The following SH3BP4 variants were observed in gnomAD, a reference collection of about 807,000 sequenced individuals.
SH3BP4 encodes the protein SH3 domain-binding protein 4.
SH3BP4 carries 33 observed loss-of-function variants against 65.5 expected under a neutral mutation model. That is an observed-to-expected ratio of 0.50 (90% CI 0.38 to 0.67). The LOEUF is 0.67. Ranked by LOEUF, SH3BP4 falls within the 30% of genes least tolerant of loss-of-function variation. SH3BP4 has a pLI of 0.00. For missense variants in SH3BP4, 1,134 were observed against 1,261.4 expected (o/e 0.90, Z 1.53); for synonymous variants, 552 against 545.5 (o/e 1.01, Z -0.17).
At position 234,997,312 on chromosome 2, in the gene SH3BP4, C is replaced by T. The variant is rs867742751; in HGVS notation, c.-133+1936C>T. Among the ~76,000 whole-genome samples, 5 of 152,322 alleles carry T rather than the reference C, an allele frequency of 3.3e-5. No individual in the cohort carries two copies. The highest frequency in any genetic ancestry group is 5.9e-5 in the Non-Finnish European group (4 of 68,020). Reference sequence around the variant, plus strand: ...GATTTGCCTGGGGGTCAGTGAGAGACACGGCTACCCAGGGTTTCCATTTCC... The same window carrying T: ...GATTTGCCTGGGGGTCAGTGAGAGATACGGCTACCCAGGGTTTCCATTTCC... On this transcript the variant is annotated intron_variant, in intron 2 of 5. Coordinates refer to ENST00000392011, the MANE Select transcript of SH3BP4 (RefSeq NM_014521.3). This position sits in a 1 kb window ranked among gnomAD's most constrained non-coding sequence, Gnocchi z 4.2.
At chr2:234,954,810 G>C (rs545825022) in intron 1 of SH3BP4, among the ~76,000 whole-genome samples, 1 of 152,204 alleles carries the variant, frequency 6.6e-6, no homozygotes, top group Non-Finnish European at 1.5e-5. Context: ...TTGCGTGGGA[G>C]GTGTGTGTGC....
chr2:234,997,902 C>G lies in SH3BP4; in HGVS notation c.-133+2526C>G, dbSNP rs1430863073. On this transcript the variant is annotated intron_variant, in intron 2 of 5. Coordinates refer to ENST00000392011, the MANE Select transcript of SH3BP4 (RefSeq NM_014521.3). The surrounding 1 kb of genome is among the most constrained non-coding windows in gnomAD (Gnocchi z 4.2). Reference sequence around the variant, plus strand: ...CTTTGGGAGGCCGAGGTGGGCGGATCACGAGATCAGGAGATCAAGACCATC... The same window carrying G: ...CTTTGGGAGGCCGAGGTGGGCGGATGACGAGATCAGGAGATCAAGACCATC... 6.6e-6 allele frequency among the ~76,000 whole-genome samples: 1 copy of G among 152,138 alleles called. No individual in the cohort carries two copies. The highest frequency in any genetic ancestry group is 6.5e-5 in the Admixed American group (1 of 15,282).
intron 2 of SH3BP4, among the ~76,000 whole-genome samples, chr2:235,012,018 G>A (rs1369527928): frequency 6.6e-6 from 1 of 152,260 alleles, no homozygotes; most frequent in South Asian, 2.1e-4. Flanking sequence ...TTACAATAAA[G>A]TGATTAGGTC....
chr2:234,995,101 C>T (rs1465142975), intron 1 of SH3BP4: 1 of 152,270 alleles, frequency 6.6e-6, no homozygotes, highest in African/African-American at 2.4e-5. Context: ...GAAGGTCCTT[C>T]CGCTGGCCAC....
intron 2 of SH3BP4, among the ~76,000 whole-genome samples, chr2:235,025,250 G>A (rs1229027668): frequency 1.3e-5 from 2 of 152,302 alleles, no homozygotes; most frequent in South Asian, 2.1e-4. Context: ...CAGGGTGAGG[G>A]CGGGGAAGGA....
chr2:235,025,510 A>G (rs1694972252), intron 2 of SH3BP4, among the ~76,000 whole-genome samples: 1 of 152,230 alleles, frequency 6.6e-6, no homozygotes, highest in Non-Finnish European at 1.5e-5. Flanking sequence ...TGAGCGCAAC[A>G]GTCATCCGTG....
intron 1 of SH3BP4, among the ~76,000 whole-genome samples, chr2:234,968,005 C>T (rs1190950011): frequency 2.0e-5 from 3 of 152,104 alleles, no homozygotes; most frequent in Admixed American, 6.6e-5. Flanking sequence ...TGGAGAAGCC[C>T]GCTCCTTCCC....
rs927322524 is a variant in SH3BP4 at position 234,982,858 on chromosome 2, A to C, written c.-206-12445A>C. ...AAATGGGGCAGGGAAGCCTGGCTCC[A>C]AGGGAGGAAGAGGCAGGAAGGAGCA... On this transcript the variant is annotated intron_variant, in intron 1 of 5. Transcript: ENST00000392011. Among the ~76,000 whole-genome samples, 7 of 128,248 alleles carry C rather than the reference A, an allele frequency of 5.5e-5. No homozygotes were observed. The Admixed American group carries it at 5.9e-4, about 11-fold the overall frequency. 84.1% of individuals were successfully genotyped at this position (128,248 alleles called of 152,430 possible).
intron 1 of SH3BP4, among the ~76,000 whole-genome samples, chr2:234,972,121 T>G (rs565778507): frequency 9.3e-4 from 136 of 145,986 alleles, no homozygotes; most frequent in Middle Eastern, 3.5e-3. Flanking sequence ...GGCCTTTTTT[T>G]TTTTTGTTTT....
chr2:235,014,989 C>G (rs1391901843), intron 2 of SH3BP4, among the ~76,000 whole-genome samples: 1 of 152,228 alleles, frequency 6.6e-6, no homozygotes, highest in Non-Finnish European at 1.5e-5. Context: ...TGCTCACAAG[C>G]ATTTCTGTGT....
chr2:234,957,616 G>A (rs1692617445), intron 1 of SH3BP4, among the ~76,000 whole-genome samples: 2 of 151,636 alleles, frequency 1.3e-5, no homozygotes, highest in African/African-American at 4.8e-5. Context: ...AAATCACCCG[G>A]GAGCTTAAAA....
chr2:235,040,787 G>A (rs1012658268), intron 3 of SH3BP4, 101 bp from the exon 4 acceptor site: 61 of 1,010,988 alleles, frequency 6.0e-5, no homozygotes, highest in Admixed American at 2.0e-5. Flanking sequence ...CTGGGTTATT[G>A]TGCACCTGTC....
At chr2:235,003,347 A>G (rs1694191039) in intron 2 of SH3BP4, among the ~76,000 whole-genome samples, 1 of 152,258 alleles carries the variant, frequency 6.6e-6, no homozygotes, top group South Asian at 2.1e-4. Flanking sequence ...AACGCAGGCC[A>G]CTGAGGCCAG....
Position 235,042,940 on chromosome 2 carries a change from G to A in SH3BP4, c.2171G>A (p.Arg724Lys). 6.2e-7 allele frequency: 1 copy of A among 1,613,130 alleles called. No homozygotes were observed. Among genetic ancestry groups the A allele is most frequent in the South Asian group, 1.1e-5 (1 of 91,064 alleles). ...ACCAAGAACGTGCTGGTGGTCGGCA[G>A]GGCCCGGCCCAGCCTGTGCTCGGGC... is the stretch of plus-strand genomic sequence containing the variant. The part of the protein sequence containing the change: ...VHTKNVLVVG[R>K]ARPSLCSGPE... Residue 724 changes from arginine (R) to lysine (K), a missense_variant, in exon 4 of 6, where the codon AGG (arginine) becomes AAG (lysine). Coordinates refer to ENST00000392011, the MANE Select transcript of SH3BP4 (RefSeq NM_014521.3). This position sits in a 1 kb window ranked among gnomAD's most constrained non-coding sequence, Gnocchi z 7.3.
At chr2:234,957,443 T>C (rs1692613472) in intron 1 of SH3BP4, among the ~76,000 whole-genome samples, 1 of 151,606 alleles carries the variant, frequency 6.6e-6, no homozygotes, top group African/African-American at 2.4e-5. Context: ...CACCCCTGCT[T>C]CCCCTTCCGT....
chr2:234,977,153 A>C lies in SH3BP4; in HGVS notation c.-206-18150A>C, dbSNP rs138303111. 9.2e-5 allele frequency among the ~76,000 whole-genome samples: 14 copies of C among 152,336 alleles called. No homozygotes were observed. The highest frequency in any genetic ancestry group is 3.4e-4 in the African/African-American group (14 of 41,582). ...TTTAAGAAAATAGGTAAGAGTGGTT[A>C]GGAAGGCTGGTTGGAGGCTGGGGTT... On this transcript the variant is annotated intron_variant, in intron 1 of 5. Transcript: ENST00000392011. The surrounding 1 kb of genome is among the most constrained non-coding windows in gnomAD (Gnocchi z 5.1).
intron 2 of SH3BP4, among the ~76,000 whole-genome samples, chr2:235,016,843 ACCAT>A (rs371636264): frequency 6.6e-6 from 1 of 151,884 alleles, no homozygotes; most frequent in Non-Finnish European, 1.5e-5. Context: ...TGTGCATCCA[ACCAT>A]CCATCCATCC....
At chr2:234,953,062 C>G (rs554220268) in intron 1 of SH3BP4, 1 of 152,228 alleles carries the variant, frequency 6.6e-6, no homozygotes, top group African/African-American at 2.4e-5. Flanking sequence ...GTCGTGGAGC[C>G]TGATGGATCG....
intron 3 of SH3BP4, among the ~76,000 whole-genome samples, chr2:235,038,384 T>TAATATATA (rs1220502206): frequency 0.15 from 2,421 of 16,318 alleles, 381 homozygotes; most frequent in East Asian, 0.52. Context: ...TACATATATA[T>TAATATATA]ATATATATAT....
Sources: allele counts gnomAD v4.1 joint callset (sites outside exome capture counted in the v4.1 genomes callset), GRCh38; gene constraint gnomAD v4.1.1; non-coding constraint Gnocchi (gnomAD v3.1); transcripts MANE v1.5; gene names NCBI Gene and HGNC (gene_info 2026-07-23, HGNC 2026-07-21).